The following MSANTD3 variants were observed in gnomAD, a reference collection of about 807,000 sequenced individuals.
MSANTD3 encodes the protein myb/SANT-like DNA-binding domain-containing protein 3.
MSANTD3 carries 11 observed loss-of-function variants against 27.7 expected under a neutral mutation model. The ratio of observed to expected loss-of-function variants is 0.40; its 90% CI spans 0.25 to 0.66. The LOEUF (loss-of-function observed/expected upper bound fraction) is 0.66, where lower values mean the gene tolerates loss of function less well. Ranked by LOEUF, MSANTD3 falls within the 30% of genes least tolerant of loss-of-function variation. The pLI is 0.41. For missense variants in MSANTD3, 250 were observed against 336.5 expected (o/e 0.74, Z 2.01); for synonymous variants, 131 against 127.2 (o/e 1.03, Z -0.20).
At chr9:100,430,782 A>C (rs892998180) in intron 1 of MSANTD3, among the ~76,000 whole-genome samples, 2 of 152,204 alleles carry the variant, frequency 1.3e-5, no homozygotes, top group Non-Finnish European at 2.9e-5. Context: ...TGGGAAGCCA[A>C]GTTGATGTGG....
In MSANTD3 at chr9:100,442,247, C is replaced by A. The variant is rs1836643333; in HGVS notation, c.309C>A (p.Thr103=). ...VKRSVSPLLS[T]HVLGKEKIAS... ...GGAGCGTCAGCCCTCTCCTGAGTAC[C>A]CACGTCCTAGGGAAGGAGAAGATCG... Residue 103 remains threonine, a synonymous_variant, in exon 2 of 3, where the codon ACC becomes ACA. Coordinates refer to ENST00000395067, the MANE Select transcript of MSANTD3 (RefSeq NM_080655.3). 1.9e-6 allele frequency: 3 copies of A among 1,614,010 alleles called. No homozygotes were observed. Among genetic ancestry groups the A allele is most frequent in the Admixed American group, 1.7e-5 (1 of 60,000 alleles).
chr9:100,431,982 G>A (rs763155960), intron 1 of MSANTD3, among the ~76,000 whole-genome samples: 6 of 152,122 alleles, frequency 3.9e-5, no homozygotes, highest in Non-Finnish European at 8.8e-5. Flanking sequence ...GGGTGGGGAT[G>A]GTTTAAGATG....
At chr9:100,445,354 A>G (rs1286456382) in intron 2 of MSANTD3, 24 of 650,306 alleles carry the variant, frequency 3.7e-5, no homozygotes, top group Non-Finnish European at 5.1e-5. Flanking sequence ...AGTTGTCACA[A>G]GCCACATGAG....
At chr9:100,436,737 C>T (rs181742488) in intron 1 of MSANTD3, among the ~76,000 whole-genome samples, 4 of 152,222 alleles carry the variant, frequency 2.6e-5, no homozygotes, top group Non-Finnish European at 4.4e-5. Context: ...TGTGCTCAAG[C>T]GGAATGCCAG....
chr9:100,440,834 A>G (rs1228117601), intron 1 of MSANTD3, among the ~76,000 whole-genome samples: 2 of 110,108 alleles, frequency 1.8e-5, no homozygotes, highest in Non-Finnish European at 3.4e-5. Context: ...CTTGTTGCCC[A>G]TGCTAGTCTC....
intron 2 of MSANTD3, chr9:100,449,298 C>A: frequency 1.0e-6 from 1 of 959,746 alleles, no homozygotes; most frequent in Non-Finnish European, 1.2e-6. Context: ...CATCCATATA[C>A]TCTTCCCTTT....
chr9:100,428,438 CAG>C (rs1289901163), intron 1 of MSANTD3, among the ~76,000 whole-genome samples: 10 of 152,112 alleles, frequency 6.6e-5, no homozygotes, highest in African/African-American at 2.4e-4. Flanking sequence ...AGTCCAGGGC[CAG>C]AGAGAGACAT....
intron 1 of MSANTD3, among the ~76,000 whole-genome samples, chr9:100,440,148 G>A (rs1206196195): frequency 6.6e-6 from 1 of 152,202 alleles, no homozygotes; most frequent in Non-Finnish European, 1.5e-5. Flanking sequence ...AGCACCTGTT[G>A]TGTGAAACAT....
In MSANTD3 at chr9:100,442,010, A is replaced by T; in HGVS notation, c.72A>T (p.Leu24Phe). The change falls in exon 2 of 3, where the codon TTA becomes TTT. Residue 24 changes from leucine (L) to phenylalanine (F), a missense_variant. Coordinates refer to ENST00000395067, the MANE Select transcript of MSANTD3 (RefSeq NM_080655.3). ...SELEKSILLA[L>F]VEKYKYVLEC... ...TGGAAAAGAGCATCCTGCTGGCTTT[A>T]GTAGAAAAGTATAAATATGTGCTGG... 2 of 1,614,220 alleles carry T rather than the reference A, an allele frequency of 1.2e-6. No homozygotes were observed. The highest frequency in any genetic ancestry group is 1.7e-6 in the Non-Finnish European group (2 of 1,180,030).
intron 2 of MSANTD3, 55 bp from the exon 3 acceptor site, chr9:100,450,502 T>C (rs1172662654): frequency 6.8e-7 from 1 of 1,466,216 alleles, no homozygotes; most frequent in Non-Finnish European, 9.1e-7. Flanking sequence ...ATTGGTTTTT[T>C]TTTTTCTCTG....
chr9:100,431,686 C>T (rs1220343336), intron 1 of MSANTD3, among the ~76,000 whole-genome samples: 1 of 152,134 alleles, frequency 6.6e-6, no homozygotes, highest in African/African-American at 2.4e-5. Flanking sequence ...TAGTTCCATG[C>T]CTCGGAGCTC....
intron 1 of MSANTD3, chr9:100,429,561 G>A (rs963881147): frequency 6.6e-6 from 1 of 152,180 alleles, no homozygotes; most frequent in Admixed American, 6.5e-5. Context: ...CAAAAAATAT[G>A]GGAAGTGCTA....
intron 1 of MSANTD3, among the ~76,000 whole-genome samples, chr9:100,439,622 G>A (rs1836556167): frequency 6.6e-6 from 1 of 150,990 alleles, no homozygotes; most frequent in Non-Finnish European, 1.5e-5. Context: ...CAATTCTCCT[G>A]CCTCAGCCTC....
At chr9:100,446,064 C>T (rs576232166) in intron 2 of MSANTD3, among the ~76,000 whole-genome samples, 36 of 152,278 alleles carry the variant, frequency 2.4e-4, no homozygotes, top group Middle Eastern at 3.4e-3. Flanking sequence ...CAATAAAATT[C>T]GCTAGGAGTG....
chr9:100,437,818 T>G (rs556579752), intron 1 of MSANTD3, among the ~76,000 whole-genome samples: 2 of 152,352 alleles, frequency 1.3e-5, no homozygotes, highest in African/African-American at 4.8e-5. Flanking sequence ...CATATGTATA[T>G]GTATTTTTAA....
At chr9:100,449,240 A>T (rs1836826504) in intron 2 of MSANTD3, 1 of 985,176 alleles carries the variant, frequency 1.0e-6, no homozygotes, top group Non-Finnish European at 1.2e-6. Context: ...CTGCTCTAAT[A>T]AAAAAAGCAG....
rs1361924884 is a variant in MSANTD3 at position 100,451,390 on chromosome 9, C to T, written c.*424C>T. Reference sequence around the variant, plus strand: ...TGCCGTCCCATGGAAAGTGGCTGTCCTGGGAGGCTACACGTTTCTCCAATG... The same window carrying T: ...TGCCGTCCCATGGAAAGTGGCTGTCTTGGGAGGCTACACGTTTCTCCAATG... On this transcript the variant is annotated 3_prime_UTR_variant, in exon 3 of 3. Transcript: ENST00000395067. 1 of 155,426 alleles carries T rather than the reference C, an allele frequency of 6.4e-6. No individual in the cohort carries two copies. Among genetic ancestry groups the T allele is most frequent in the Non-Finnish European group, 1.4e-5 (1 of 70,862 alleles). The allele number at this position is 155,426 out of a possible 1,614,324, so 9.6% of individuals were successfully genotyped here.
chr9:100,448,828 A>C (rs1836816946), intron 2 of MSANTD3: 2 of 985,204 alleles, frequency 2.0e-6, no homozygotes, highest in South Asian at 9.4e-5. Context: ...TCTGGATGGC[A>C]CCGAAGTACT....
chr9:100,432,433 C>G (rs1314643444), intron 1 of MSANTD3, among the ~76,000 whole-genome samples: 1 of 152,180 alleles, frequency 6.6e-6, no homozygotes, highest in African/African-American at 2.4e-5. Context: ...ATTGCCATTT[C>G]TACCTTCTTT....
Sources: allele counts gnomAD v4.1 joint callset (sites outside exome capture counted in the v4.1 genomes callset), GRCh38; gene constraint gnomAD v4.1.1; transcripts MANE v1.5; gene names NCBI Gene and HGNC (gene_info 2026-07-23, HGNC 2026-07-21).